The following OR1J2 variants were observed in gnomAD, a reference collection of about 807,000 sequenced individuals.
The protein encoded by OR1J2 is olfactory receptor 1J2.
For missense variants in OR1J2, 304 were observed against 246.1 expected (o/e 1.24, Z -1.57); for synonymous variants, 142 against 99.7 (o/e 1.42, Z -2.52).
chr9:122,521,204 A>T, the OR1J2 span, among the ~76,000 whole-genome samples: 4 of 152,346 alleles, frequency 2.6e-5, no homozygotes, highest in African/African-American at 9.6e-5. Context: ...AAGAATAATG[A>T]ATGTGAATTT....
At chr9:122,544,136 G>C in the OR1J2 span, among the ~76,000 whole-genome samples, 1 of 151,916 alleles carries the variant, frequency 6.6e-6, no homozygotes, top group Non-Finnish European at 1.5e-5. Flanking sequence ...ATATAAAGTT[G>C]TCAATTAAAA....
the OR1J2 span, among the ~76,000 whole-genome samples, chr9:122,542,562 C>T: frequency 6.6e-6 from 1 of 152,120 alleles, no homozygotes; most frequent in Non-Finnish European, 1.5e-5. Flanking sequence ...AAGAATTTTA[C>T]AGTAAACATT....
At chr9:122,477,466 G>A in the OR1J2 span, 32 of 1,613,826 alleles carry the variant, frequency 2.0e-5, no homozygotes, top group East Asian at 2.5e-4. Context: ...AAGAGCACAC[G>A]CACAAGCGAT....
the OR1J2 span, among the ~76,000 whole-genome samples, chr9:122,580,236 G>A: frequency 2.6e-5 from 4 of 152,078 alleles, no homozygotes; most frequent in Admixed American, 6.5e-5. Context: ...CACCTTCCAC[G>A]TCATTTCAAT....
the OR1J2 span, among the ~76,000 whole-genome samples, chr9:122,504,844 A>C: frequency 2.6e-4 from 39 of 152,192 alleles, no homozygotes; most frequent in Non-Finnish European, 5.6e-4. Flanking sequence ...GACTGTGTCT[A>C]TTCAATCTGC....
chr9:122,519,492 A>G, the OR1J2 span: 11 of 1,613,968 alleles, frequency 6.8e-6, no homozygotes, highest in Admixed American at 3.3e-5. Context: ...TCTCACTTCA[A>G]TGGCATACGA....
the OR1J2 span, among the ~76,000 whole-genome samples, chr9:122,552,749 A>AGTGTGTGTGTGTGTGTGTGTGT: frequency 5.4e-5 from 7 of 129,656 alleles, no homozygotes; most frequent in South Asian, 2.8e-4. Context: ...AGAGGGCTTG[A>AGTGTGTGTGTGTGTGTGTGTGT]GTGTGTGTGT....
chr9:122,491,219 G>A, the OR1J2 span, among the ~76,000 whole-genome samples: 2 of 152,200 alleles, frequency 1.3e-5, no homozygotes, highest in East Asian at 3.9e-4. Flanking sequence ...ATTCACTGAA[G>A]GCAATATAGA....
chr9:122,526,527 G>C, the OR1J2 span: 1 of 1,603,888 alleles, frequency 6.2e-7, no homozygotes, highest in East Asian at 2.2e-5. Flanking sequence ...ACACAGGTAG[G>C]CACTGAAGAG....
chr9:122,524,799 A>G, the OR1J2 span, among the ~76,000 whole-genome samples: 1 of 152,204 alleles, frequency 6.6e-6, no homozygotes, highest in Admixed American at 6.5e-5. Flanking sequence ...GGTTTCAGAT[A>G]TAGTGTGAGG....
the OR1J2 span, among the ~76,000 whole-genome samples, chr9:122,466,484 A>G: frequency 2.0e-5 from 3 of 152,202 alleles, no homozygotes; most frequent in South Asian, 6.2e-4. Flanking sequence ...ATGGAATGGA[A>G]AACTATGTCC....
chr9:122,575,658 T>G, the OR1J2 span, among the ~76,000 whole-genome samples: 1 of 152,180 alleles, frequency 6.6e-6, no homozygotes, highest in Non-Finnish European at 1.5e-5. Flanking sequence ...ATATTTGAGG[T>G]TTACAGCATG....
At chr9:122,477,748 T>G in the OR1J2 span, 1 of 1,614,006 alleles carries the variant, frequency 6.2e-7, no homozygotes, top group Non-Finnish European at 8.5e-7. Flanking sequence ...AAGGAAGAAG[T>G]ACATGGGGGT....
At chr9:122,507,753 C>A (rs1401881284), upstream of OR1J2, among the ~76,000 whole-genome samples, 1 of 152,118 alleles carries the variant, frequency 6.6e-6, no homozygotes, top group East Asian at 1.9e-4. Flanking sequence ...ATAATTTTCT[C>A]CTGCGTGTAA....
chr9:122,453,108 C>A, the OR1J2 span, among the ~76,000 whole-genome samples: 2 of 151,938 alleles, frequency 1.3e-5, no homozygotes, highest in African/African-American at 4.8e-5. Flanking sequence ...ATGTGACCTG[C>A]CTGCTCCAGC....
the OR1J2 span, chr9:122,527,092 C>T: frequency 1.2e-6 from 2 of 1,614,154 alleles, no homozygotes; most frequent in South Asian, 2.2e-5. Context: ...AAACCCATGT[C>T]AACAAAAGAC....
At chr9:122,534,572 C>T in the OR1J2 span, among the ~76,000 whole-genome samples, 2 of 152,036 alleles carry the variant, frequency 1.3e-5, no homozygotes, top group African/African-American at 4.8e-5. Flanking sequence ...AACTGTAAGC[C>T]GGACTGGGTG....
chr9:122,523,530 T>A, the OR1J2 span, among the ~76,000 whole-genome samples: 5 of 152,214 alleles, frequency 3.3e-5, no homozygotes, highest in East Asian at 9.7e-4. Flanking sequence ...AATTAGAAGG[T>A]CATTGTACAT....
chr9:122,459,723 G>T, the OR1J2 span, among the ~76,000 whole-genome samples: 2 of 152,096 alleles, frequency 1.3e-5, no homozygotes, highest in Admixed American at 1.3e-4. Context: ...AAGTTTTTGG[G>T]GGAATTGGTG....
Sources: gnomAD v4.1 joint callset for allele counts (sites outside exome capture counted in the v4.1 genomes callset) on GRCh38, gnomAD v4.1.1 for gene constraint, MANE v1.5 for transcripts, NCBI Gene and HGNC (gene_info 2026-07-23, HGNC 2026-07-21) for gene names.